Variants in SLC2A4RG observed in about 807,000 individuals in gnomAD.
SLC2A4RG encodes GLUT4 enhancer factor.
A neutral mutation model predicts 35.5 loss-of-function variants in SLC2A4RG; 23 were observed. The observed-to-expected ratio is 0.65, with a 90% CI of 0.47 to 0.92. The LOEUF (loss-of-function observed/expected upper bound fraction) is 0.92. Among genes scored for constraint, SLC2A4RG ranks in the 40% least tolerant of loss-of-function variants. The pLI is 0.00. For missense variants in SLC2A4RG, 539 were observed against 525.0 expected, an observed-to-expected ratio of 1.03 and a Z score of -0.26; for synonymous variants, 306 against 243.7, an observed-to-expected ratio of 1.26 and a Z score of -2.38.
In SLC2A4RG at chr20:63,741,579, G is replaced by C. The variant is rs1454784854; in HGVS notation, c.391+100G>C. 3 of 1,228,298 alleles carry C rather than the reference G, an allele frequency of 2.4e-6. No homozygotes were observed. In the East Asian group the frequency reaches 7.6e-5, roughly 31 times the overall value. 76.1% of individuals were successfully genotyped at this position (1,228,298 alleles called of 1,614,324 possible). On this transcript the variant is annotated intron_variant, in intron 3 of 7. Coordinates refer to ENST00000266077, the MANE Select transcript of SLC2A4RG (RefSeq NM_020062.4). ...GGGGCAAGCAGAGCCCTCAAACCTGGGACTCCTTTCTAAAATGGACTCCCG... is the reference window on the plus strand; with the variant it reads ...GGGGCAAGCAGAGCCCTCAAACCTGCGACTCCTTTCTAAAATGGACTCCCG...
In SLC2A4RG at chr20:63,743,055, T is replaced by C. The variant is rs143699471; in HGVS notation, c.*65T>C. The C allele has an allele frequency of 2.4e-3, 2,816 of 1,181,672 alleles. 89 individuals carry two copies. In the East Asian group the frequency reaches 0.071, roughly 30 times the overall value. The allele number at this position is 1,181,672 out of a possible 1,614,324, so 73.2% of individuals were successfully genotyped here. ...TCCCCACCCCCTCCAGGCCCGGGGCTGAAACAGCCCGAGGACAGCCCCAGG... is the reference window on the plus strand; with the variant it reads ...TCCCCACCCCCTCCAGGCCCGGGGCCGAAACAGCCCGAGGACAGCCCCAGG... On this transcript the variant is annotated 3_prime_UTR_variant, in exon 8 of 8. Coordinates refer to ENST00000266077, the MANE Select transcript of SLC2A4RG (RefSeq NM_020062.4).
Position 63,741,920 on chromosome 20 carries a change from A to C in SLC2A4RG, c.443A>C (p.Tyr148Ser), listed in dbSNP as rs2092043833. Residue 148 changes from tyrosine (Y) to serine (S), a missense_variant, in exon 4 of 8, where the codon TAC becomes TCC. By Grantham distance (144) the Tyr-to-Ser change is moderately radical. Coordinates refer to ENST00000266077, the MANE Select transcript of SLC2A4RG (RefSeq NM_020062.4). Reference protein sequence around the residue: ...KEALVRPPGSYSSSSNSGDWG... With the variant: ...KEALVRPPGSSSSSSNSGDWG... ...GCCCTGGTGCGGCCCCCAGGCAGCT[A>C]CAGCAGCAGCAGCAACAGTGGAGAC... The C allele has an allele frequency of 1.2e-6, 2 of 1,611,972 alleles. No homozygotes were observed. Among genetic ancestry groups the C allele is most frequent in the Non-Finnish European group, 1.7e-6 (2 of 1,179,528 alleles).
chr20:63,742,701 C>T lies in SLC2A4RG; in HGVS notation c.963C>T (p.Gly321=), dbSNP rs759561334. 2.5e-6 allele frequency: 4 copies of T among 1,596,252 alleles called. No individual in the cohort carries two copies. Among genetic ancestry groups the T allele is most frequent in the East Asian group, 2.3e-5 (1 of 44,172 alleles). ...GCCCTGGCTGTGTCTCCCTGTAGGG[C>T]TGCCTGACGCCCGCCCGCCTGGAGC... ...QSCHSDRVYQ[G]CLTPARLEPQ... is the part of the protein sequence containing the mutation. Residue 321 remains glycine, a splice_region_variant and synonymous_variant, in exon 7 of 8, where the codon GGC becomes GGT. Transcript: ENST00000266077.
At chr20:63,741,625 G>A (rs994086316) in intron 3 of SLC2A4RG, 146 bp downstream of exon 3, 3 of 1,119,080 alleles carry the variant, frequency 2.7e-6, no homozygotes, top group Admixed American at 5.4e-5. Context: ...GCCCCCTACT[G>A]AGGCCAAAGC....
At position 63,742,598 on chromosome 20, in the gene SLC2A4RG, AGTGACC is replaced by A. The variant is rs1193059636; in HGVS notation, c.947_952del (p.Asp316_Arg317del). 4 of 1,575,818 alleles carry A rather than the reference AGTGACC, an allele frequency of 2.5e-6. No individual in the cohort carries two copies. The highest frequency in any genetic ancestry group is 3.5e-6 in the Non-Finnish European group (4 of 1,156,556). On this transcript the variant is annotated inframe_deletion, in exon 6 of 8. Transcript: ENST00000266077. ...CGTTGCTAACCCCCAGTCCTGTCACAGTGACCGTGTCTACCAGGTGGGTGAGGCCAC... is the reference window on the plus strand; with the variant it reads ...CGTTGCTAACCCCCAGTCCTGTCACAGTGTCTACCAGGTGGGTGAGGCCAC...
chr20:63,740,628 C>G, intron 2 of SLC2A4RG, 97 bp downstream of exon 2: 1 of 1,173,022 alleles, frequency 8.5e-7, no homozygotes, highest in African/African-American at 1.6e-5. Context: ...GTCAGGGCCC[C>G]AGGTTTGTAA....
In SLC2A4RG at chr20:63,741,499, A is replaced by C. The variant is rs2092041267; in HGVS notation, c.391+20A>C. 6.2e-7 allele frequency: 1 copy of C among 1,603,874 alleles called. No individual in the cohort carries two copies. Among genetic ancestry groups the C allele is most frequent in the Non-Finnish European group, 8.5e-7 (1 of 1,172,686 alleles). On this transcript the variant is annotated intron_variant, in intron 3 of 7. Coordinates refer to ENST00000266077, the MANE Select transcript of SLC2A4RG (RefSeq NM_020062.4). ...GCCCAGGTAAGACTCAGATGTCTGC[A>C]TTTAGGGGTGTGGGTGGGGACAGGG...
chr20:63,742,891 C>A lies in SLC2A4RG; in HGVS notation c.1065C>A (p.Gly355=), dbSNP rs757962585. ...RIGVTLRKPR[G]DAKKCRKVYG... is the part of the protein sequence containing the mutation. The stretch of plus-strand genomic sequence containing the variant: ...ACCCCCCGCACAGGAAGCCCCGCGG[C>A]GACGCGAAGAAGTGCCGGAAGGTGT... The change falls in exon 8 of 8, where the codon GGC becomes GGA. Residue 355 remains glycine, a synonymous_variant. Coordinates refer to ENST00000266077, the MANE Select transcript of SLC2A4RG (RefSeq NM_020062.4). 5 of 1,611,562 alleles carry A rather than the reference C, an allele frequency of 3.1e-6. No individual in the cohort carries two copies. The highest frequency in any genetic ancestry group is 4.2e-6 in the Non-Finnish European group (5 of 1,179,196).
rs759247474 is a variant in SLC2A4RG at position 63,742,343 on chromosome 20, G to A, written c.688G>A (p.Ala230Thr). The A allele has an allele frequency of 1.4e-5, 23 of 1,608,142 alleles. No homozygotes were observed. The Admixed American group carries it at 3.8e-4, about 27-fold the overall frequency. ...HIRLVHLGRQ[A>T]EPEQSDGEED... The stretch of plus-strand genomic sequence containing the variant: ...TGGCTGTGTCTCCCGCAGGAGGCAG[G>A]CAGAGCCTGAGCAGAGTGATGGTGA... Residue 230 changes from alanine to threonine, a missense_variant, in exon 6 of 8, where the codon GCA becomes ACA. By Grantham distance (58) the Ala-to-Thr change is moderately conservative. Transcript: ENST00000266077.
chr20:63,742,063 T>C lies in SLC2A4RG; in HGVS notation c.579+7T>C, dbSNP rs1462319960. 1 of 1,611,340 alleles carries C rather than the reference T, an allele frequency of 6.2e-7. No individual in the cohort carries two copies. The highest frequency in any genetic ancestry group is 1.7e-5 in the Admixed American group (1 of 59,952). On this transcript the variant is annotated splice_region_variant and intron_variant, in intron 4 of 7. Coordinates refer to ENST00000266077, the MANE Select transcript of SLC2A4RG (RefSeq NM_020062.4). ...CACCCTGAGAAAAAGGAAGGTGAGC[T>C]TGGGGGCGGCCCCCAGGGAGGGGCG...
chr20:63,741,750 G>T, intron 3 of SLC2A4RG, 119 bp from the exon 4 acceptor site: 2 of 1,439,038 alleles, frequency 1.4e-6, no homozygotes, highest in Non-Finnish European at 1.8e-6. Flanking sequence ...CCTGGGGCCA[G>T]CTCCTCCAAG....
At chr20:63,741,338 G>A in intron 2 of SLC2A4RG, 32 bp from the exon 3 acceptor site, 2 of 1,600,022 alleles carry the variant, frequency 1.2e-6, no homozygotes, top group Non-Finnish European at 1.7e-6. Context: ...GCTCTGGCTG[G>A]GTCACCCGCA....
In SLC2A4RG at chr20:63,740,460, C is replaced by T; in HGVS notation, c.210C>T (p.Ala70=). The change falls in exon 2 of 8, where the codon GCC becomes GCT. Residue 70 remains alanine (A), a synonymous_variant. Transcript: ENST00000266077. ...AGCCGCGGGCCTCGGACCTGGGGGC[C>T]CCCCGGACGTGGACGGGGGCGGCGG... ...ESEPRASDLG[A]PRTWTGAAAG... is the part of the protein sequence containing the mutation. The T allele has an allele frequency of 8.1e-7, 1 of 1,230,420 alleles. No homozygotes were observed. Among genetic ancestry groups the T allele is most frequent in the Non-Finnish European group, 1.0e-6 (1 of 986,344 alleles). 76.2% of individuals were successfully genotyped at this position (1,230,420 alleles called of 1,614,324 possible).
rs1425709015 is a variant in SLC2A4RG, at chr20:63,743,716, A to T, written c.*726A>T. 6.6e-6 allele frequency: 1 copy of T among 152,396 alleles called. No individual in the cohort carries two copies. The highest frequency in any genetic ancestry group is 1.9e-4 in the East Asian group (1 of 5,334). The allele number at this position is 152,396 out of a possible 1,614,324, so 9.4% of individuals were successfully genotyped here. A position where few individuals can be genotyped will look rare whatever the true frequency, so the allele number is the denominator to read the frequency against. ...TATTGAAAGTGATCGCTTTGCAAGG[A>T]TGTCTAAGCTAATCCCGTCACAGAA... On this transcript the variant is annotated 3_prime_UTR_variant, in exon 8 of 8. Transcript: ENST00000266077.
chr20:63,741,433 C>T lies in SLC2A4RG; in HGVS notation c.345C>T (p.Ser115=), dbSNP rs1419025015. The T allele has an allele frequency of 1.9e-6, 3 of 1,613,376 alleles. No individual in the cohort carries two copies. Among genetic ancestry groups the T allele is most frequent in the African/African-American group, 2.7e-5 (2 of 74,902 alleles). Residue 115 remains serine, a synonymous_variant, in exon 3 of 8, where the codon TCC becomes TCT. Transcript: ENST00000266077. The part of the protein sequence containing the change: ...VMAAAALTSL[S]TSPLLLGAPV... Reference sequence around the variant, plus strand: ...CTGCCGCTGCCCTTACAAGCCTGTCCACCAGCCCTCTCCTTCTGGGGGCCC... The same window carrying T: ...CTGCCGCTGCCCTTACAAGCCTGTCTACCAGCCCTCTCCTTCTGGGGGCCC...
In SLC2A4RG at chr20:63,742,122, T is replaced by G. The variant is rs1289901644; in HGVS notation, c.580-8T>G. Reference sequence around the variant, plus strand: ...GGCTGAGCCTGACCCTGGCCCCTGTTGCTGCAGAGCCCGGCCCAGGTCATG... The same window carrying G: ...GGCTGAGCCTGACCCTGGCCCCTGTGGCTGCAGAGCCCGGCCCAGGTCATG... On this transcript the variant is annotated splice_polypyrimidine_tract_variant and splice_region_variant and intron_variant, in intron 4 of 7. Coordinates refer to ENST00000266077, the MANE Select transcript of SLC2A4RG (RefSeq NM_020062.4). The G allele has an allele frequency of 6.2e-7, 1 of 1,604,108 alleles. No individual in the cohort carries two copies. The highest frequency in any genetic ancestry group is 1.3e-5 in the African/African-American group (1 of 74,540).
chr20:63,741,449 C>T lies in SLC2A4RG; in HGVS notation c.361C>T (p.Leu121=), dbSNP rs779818384. The T allele has an allele frequency of 3.7e-6, 6 of 1,613,392 alleles. No individual in the cohort carries two copies. In the East Asian group the frequency reaches 8.9e-5, roughly 24 times the overall value. ...LTSLSTSPLL[L]GAPVAAFSPE... ...AAGCCTGTCCACCAGCCCTCTCCTT[C>T]TGGGGGCCCCGGTTGCAGCCTTCAG... Residue 121 remains leucine, a synonymous_variant, in exon 3 of 8, where the codon CTG becomes TTG. Coordinates refer to ENST00000266077, the MANE Select transcript of SLC2A4RG (RefSeq NM_020062.4).
intron 3 of SLC2A4RG, 31 bp downstream of exon 3, chr20:63,741,510 T>C (rs776100778): frequency 2.5e-6 from 4 of 1,591,894 alleles, no homozygotes; most frequent in East Asian, 2.2e-5. Context: ...TTTAGGGGTG[T>C]GGGTGGGGAC....
In SLC2A4RG at chr20:63,742,988, TAA is replaced by T; in HGVS notation, c.1163_1164del (p.Ter388CysfsTer8). The part of the protein sequence containing the change: ...WKKACQRFLD[*>X] ...GAAAGCCTGCCAGCGGTTCCTGGAC[TAA>T]GTCCGGCTCGTTCAAGAACATAAGC... On this transcript the variant is annotated frameshift_variant and stop_lost, in exon 8 of 8. Coordinates refer to ENST00000266077, the MANE Select transcript of SLC2A4RG (RefSeq NM_020062.4). LOFTEE classifies it high-confidence loss of function. 1 of 1,607,818 alleles carries T rather than the reference TAA, an allele frequency of 6.2e-7. No individual in the cohort carries two copies. The highest frequency in any genetic ancestry group is 1.3e-5 in the African/African-American group (1 of 74,960).
Sources: gnomAD v4.1 joint callset for allele counts on GRCh38, gnomAD v4.1.1 for gene constraint, MANE v1.5 for transcripts, NCBI Gene and HGNC (gene_info 2026-07-23, HGNC 2026-07-21) for gene names.